Variants in TFDP2 observed in about 807,000 individuals in gnomAD.
TFDP2 encodes transcription factor Dp-2.
Under a neutral mutation model 59.3 loss-of-function variants are expected in TFDP2, and 17 were observed. That is an observed-to-expected ratio of 0.29 (90% CI 0.20 to 0.43). The LOEUF (loss-of-function observed/expected upper bound fraction) is 0.43. Ranked by LOEUF, TFDP2 falls within the 20% of genes least tolerant of loss-of-function variation. TFDP2 has a pLI of 1.00. For missense variants in TFDP2, 391 were observed against 528.8 expected, an observed-to-expected ratio of 0.74 and a Z score of 2.56; for synonymous variants, 180 against 194.7, an observed-to-expected ratio of 0.92 and a Z score of 0.63.
chr3:141,990,882 C>T (rs1942690894), intron 6 of TFDP2, among the ~76,000 whole-genome samples: 1 of 152,042 alleles, frequency 6.6e-6, no homozygotes, highest in Non-Finnish European at 1.5e-5. Flanking sequence ...CACGGTGAAA[C>T]CCCGTCTCTA....
At chr3:141,964,913 A>C (rs1937716336) in intron 9 of TFDP2, among the ~76,000 whole-genome samples, 1 of 152,186 alleles carries the variant, frequency 6.6e-6, no homozygotes, top group Non-Finnish European at 1.5e-5. Flanking sequence ...AAATTTTTTT[A>C]CTGGATCTTG....
intron 3 of TFDP2, among the ~76,000 whole-genome samples, chr3:142,023,122 C>CAAAAA (rs765096570): frequency 1.8e-3 from 105 of 59,450 alleles, no homozygotes; most frequent in Non-Finnish European, 2.2e-3. Context: ...CCCTCCGTCT[C>CAAAAA]AAAAAAAAAA....
intron 1 of TFDP2, among the ~76,000 whole-genome samples, chr3:142,132,049 G>T (rs979701889): frequency 6.9e-6 from 1 of 145,050 alleles, no homozygotes; most frequent in African/African-American, 2.6e-5. Context: ...GTATAAAAAT[G>T]TTCATAGCAA....
intron 3 of TFDP2, among the ~76,000 whole-genome samples, chr3:142,086,457 A>C (rs1448138628): frequency 6.6e-6 from 1 of 152,176 alleles, no homozygotes; most frequent in African/African-American, 2.4e-5. Flanking sequence ...GGTTCGATTA[A>C]TTTGCTAGAG....
At chr3:142,098,682 G>A (rs1425761662) in intron 2 of TFDP2, among the ~76,000 whole-genome samples, 3 of 152,158 alleles carry the variant, frequency 2.0e-5, no homozygotes, top group African/African-American at 7.2e-5. Context: ...AAGTCAGGCA[G>A]ATCCCTTGAA....
intron 3 of TFDP2, among the ~76,000 whole-genome samples, chr3:142,049,619 T>TAAGTCAAG (rs144667294): frequency 0.057 from 8,633 of 152,148 alleles, 300 homozygotes; most frequent in Middle Eastern, 0.11. Context: ...GCCAGTGTAA[T>TAAGTCAAG]AAAGGAAATG....
At chr3:142,000,369 G>A (rs1435501926) in intron 4 of TFDP2, 7 of 700,568 alleles carry the variant, frequency 1.0e-5, no homozygotes, top group Non-Finnish European at 1.8e-5. Context: ...TAGCAGAAAG[G>A]GTCCAGGGTG....
At chr3:142,036,029 T>C (rs1454170994) in intron 3 of TFDP2, among the ~76,000 whole-genome samples, 1 of 152,162 alleles carries the variant, frequency 6.6e-6, no homozygotes, top group African/African-American at 2.4e-5. Context: ...ATTCAATGAG[T>C]AGATTTTAAT....
chr3:141,954,866 A>C (rs1936395369), intron 11 of TFDP2, among the ~76,000 whole-genome samples: 1 of 152,190 alleles, frequency 6.6e-6, no homozygotes, highest in African/African-American at 2.4e-5. Context: ...TTTAGATTGG[A>C]AACTCTGGTA....
chr3:142,073,472 CA>C (rs79018185), intron 3 of TFDP2, among the ~76,000 whole-genome samples: 4,352 of 51,134 alleles, frequency 0.085, 309 homozygotes, highest in African/African-American at 0.15. Context: ...CCCCCCCCCG[CA>C]AAAAAAAAAA....
intron 3 of TFDP2, among the ~76,000 whole-genome samples, chr3:142,058,561 G>A (rs1185323948): frequency 6.6e-6 from 1 of 152,104 alleles, no homozygotes; most frequent in Non-Finnish European, 1.5e-5. Context: ...CCCCGCCTCA[G>A]ATTTAATAAT....
intron 10 of TFDP2, among the ~76,000 whole-genome samples, chr3:141,960,187 C>T (rs1031291350): frequency 1.3e-5 from 2 of 152,106 alleles, no homozygotes; most frequent in Non-Finnish European, 1.5e-5. Flanking sequence ...TTTAATATTA[C>T]GATATCCCTA....
chr3:142,074,437 G>C (rs138003637), intron 3 of TFDP2, among the ~76,000 whole-genome samples: 32 of 152,212 alleles, frequency 2.1e-4, no homozygotes, highest in African/African-American at 7.0e-4. Flanking sequence ...AATATGCTGG[G>C]TGCAGTGGCT....
At position 141,975,296 on chromosome 3, in the gene TFDP2, A is replaced by G. The variant is rs556304574; in HGVS notation, c.520-1105T>C. 6.6e-5 allele frequency among the ~76,000 whole-genome samples: 10 copies of G among 152,266 alleles called. No homozygotes were observed. In the East Asian group the frequency reaches 1.9e-3, roughly 29 times the overall value. On this transcript the variant is annotated intron_variant, in intron 7 of 12. Coordinates refer to ENST00000489671, the MANE Select transcript of TFDP2 (RefSeq NM_001178139.2). ...TGGAACAAGGTCCTCAGGAAATGCA[A>G]CGATAATAAAGGATGGTGGAGAACA...
chr3:142,005,391 T>C (rs1463195068), intron 4 of TFDP2, 50 bp downstream of exon 4: 2 of 1,398,972 alleles, frequency 1.4e-6, no homozygotes, highest in East Asian at 4.6e-5. Context: ...TTCTTTAAAT[T>C]AGTCTTGGCT....
intron 3 of TFDP2, among the ~76,000 whole-genome samples, chr3:142,048,717 C>A (rs1038523934): frequency 6.6e-6 from 1 of 152,076 alleles, no homozygotes; most frequent in Non-Finnish European, 1.5e-5. Context: ...AGGAGTATGC[C>A]ACCATGCCTG....
chr3:141,949,330 G>A lies in TFDP2; in HGVS notation c.*3183C>T, dbSNP rs536560072. ...TTGTGGCCATTGTCTGTAGTTTCTCGGGCGGTGGGTGTCGCTGAGGGGTGG... is the reference window on the plus strand; with the variant it reads ...TTGTGGCCATTGTCTGTAGTTTCTCAGGCGGTGGGTGTCGCTGAGGGGTGG... On this transcript the variant is annotated 3_prime_UTR_variant, in exon 13 of 13. Coordinates refer to ENST00000489671, the MANE Select transcript of TFDP2 (RefSeq NM_001178139.2). The A allele has an allele frequency of 3.9e-5, 6 of 152,240 alleles. No homozygotes were observed. The highest frequency in any genetic ancestry group is 5.9e-5 in the Non-Finnish European group (4 of 68,032). 9.4% of individuals were successfully genotyped at this position (152,240 alleles called of 1,614,324 possible). A position where few individuals can be genotyped will look rare whatever the true frequency, so the allele number is the denominator to read the frequency against.
intron 9 of TFDP2, among the ~76,000 whole-genome samples, chr3:141,964,389 C>T (rs180700788): frequency 1.2e-4 from 18 of 152,276 alleles, no homozygotes; most frequent in South Asian, 2.1e-4. Context: ...CAGTGGCTCA[C>T]GCCTGTAATC....
At chr3:142,112,660 G>A (rs111736639) in intron 1 of TFDP2, among the ~76,000 whole-genome samples, 1 of 152,304 alleles carries the variant, frequency 6.6e-6, no homozygotes, top group African/African-American at 2.4e-5. Context: ...CACTGAGGTA[G>A]AATTCTTCTG....
Sources: gnomAD v4.1 joint callset for allele counts (sites outside exome capture counted in the v4.1 genomes callset) on GRCh38, gnomAD v4.1.1 for gene constraint, MANE v1.5 for transcripts, NCBI Gene and HGNC (gene_info 2026-07-23, HGNC 2026-07-21) for gene names.